The following IMMP2L variants were observed in gnomAD, a reference collection of about 807,000 sequenced individuals.
IMMP2L encodes mitochondrial inner membrane protease subunit 2.
In IMMP2L, 18 loss-of-function variants were observed where a neutral mutation model predicts 19.3. That is an observed-to-expected ratio of 0.93 (90% confidence interval 0.64 to 1.38). IMMP2L has a LOEUF of 1.38. Ranked by LOEUF, IMMP2L falls within the 40% of genes most tolerant of loss-of-function variation. The pLI, the probability that IMMP2L is intolerant of heterozygous loss-of-function variation, is 0.00. For missense variants in IMMP2L, 233 were observed against 218.2 expected, an observed-to-expected ratio of 1.07 and a Z score of -0.43; for synonymous variants, 76 against 73.0, an observed-to-expected ratio of 1.04 and a Z score of -0.21.
chr7:110,694,487 A>G (rs1323178060), intron 5 of IMMP2L, among the ~76,000 whole-genome samples: 2 of 152,246 alleles, frequency 1.3e-5, no homozygotes, highest in Non-Finnish European at 2.9e-5. Context: ...AGTAATATTT[A>G]GGTCCTTAAT....
intron 5 of IMMP2L, among the ~76,000 whole-genome samples, chr7:110,674,005 C>T (rs1174932489): frequency 6.6e-6 from 1 of 152,140 alleles, no homozygotes; most frequent in Non-Finnish European, 1.5e-5. Flanking sequence ...ACCCCACTCC[C>T]AGTACCAACT....
At chr7:111,029,125 A>T (rs900728883) in intron 3 of IMMP2L, among the ~76,000 whole-genome samples, 2 of 152,184 alleles carry the variant, frequency 1.3e-5, no homozygotes, top group Non-Finnish European at 2.9e-5. Flanking sequence ...ATGATAAAAT[A>T]GTCACTTATT....
At chr7:111,136,305 C>T (rs7811143) in intron 3 of IMMP2L, among the ~76,000 whole-genome samples, 107,418 of 152,052 alleles carry the variant, frequency 0.71, 40,426 homozygotes, top group East Asian at 0.85. Context: ...GGATTGCAGG[C>T]GTGAGCCACT....
intron 3 of IMMP2L, among the ~76,000 whole-genome samples, chr7:111,092,854 G>A (rs756985136): frequency 2.0e-5 from 3 of 152,136 alleles, no homozygotes; most frequent in Non-Finnish European, 4.4e-5. Flanking sequence ...TTCATCTTCT[G>A]GAGCTCTCTC....
At chr7:111,450,243 G>A (rs545186614) in intron 3 of IMMP2L, among the ~76,000 whole-genome samples, 3 of 149,490 alleles carry the variant, frequency 2.0e-5, no homozygotes, top group Non-Finnish European at 4.4e-5. Context: ...AAAAGAGCCC[G>A]CATCGCCAGG....
intron 3 of IMMP2L, among the ~76,000 whole-genome samples, chr7:111,475,994 T>C (rs1563239965): frequency 6.6e-6 from 1 of 152,138 alleles, no homozygotes; most frequent in Non-Finnish European, 1.5e-5. Flanking sequence ...GCAACATAGT[T>C]TTCTGATATC....
intron 3 of IMMP2L, among the ~76,000 whole-genome samples, chr7:111,343,441 C>T (rs932287737): frequency 1.4e-4 from 22 of 152,070 alleles, no homozygotes; most frequent in Non-Finnish European, 3.1e-4. Flanking sequence ...ACACTATATC[C>T]TGTCCTTTCT....
intron 4 of IMMP2L, among the ~76,000 whole-genome samples, chr7:110,949,214 A>C (rs1817549500): frequency 6.6e-6 from 1 of 152,114 alleles, no homozygotes; most frequent in Non-Finnish European, 1.5e-5. Context: ...TACATCATAT[A>C]TATGTATTGG....
rs544500398 is a variant in IMMP2L at position 110,922,820 on chromosome 7, G to A, written c.306-36125C>T. 2.0e-5 allele frequency among the ~76,000 whole-genome samples: 3 copies of A among 152,252 alleles called. No homozygotes were observed. The East Asian group carries it at 5.8e-4, about 29-fold the overall frequency. The stretch of plus-strand genomic sequence containing the variant: ...CATGAGCAAACTGTTTCTCGCTAAA[G>A]TCTGGATGTAATGTTTTTCTCATCA... On this transcript the variant is annotated intron_variant, in intron 4 of 5. Coordinates refer to ENST00000405709, the MANE Select transcript of IMMP2L (RefSeq NM_032549.4).
chr7:111,235,513 A>G (rs1307592875), intron 3 of IMMP2L, among the ~76,000 whole-genome samples: 1 of 151,286 alleles, frequency 6.6e-6, no homozygotes, highest in Non-Finnish European at 1.5e-5. Context: ...CTCTCTTTCT[A>G]TAGTTTAAAA....
Position 110,886,788 on chromosome 7 carries a change from G to C in IMMP2L, c.306-93C>G, listed in dbSNP as rs550428387. The C allele has an allele frequency of 1.1e-5, 7 of 610,278 alleles. No individual in the cohort carries two copies. In the East Asian group the frequency reaches 1.7e-4, roughly 14 times the overall value. 37.8% of individuals were successfully genotyped at this position (610,278 alleles called of 1,614,324 possible). On this transcript the variant is annotated intron_variant, in intron 4 of 5. Transcript: ENST00000405709. ...TTAGGAATGGTGAAAATATTATATA[G>C]ATGTTACAGACAGGTTAACCATGAA...
intron 3 of IMMP2L, among the ~76,000 whole-genome samples, chr7:111,459,980 A>G (rs909099404): frequency 6.6e-6 from 1 of 152,172 alleles, no homozygotes; most frequent in Non-Finnish European, 1.5e-5. Context: ...TTAGATTTCA[A>G]TGAAAGAAAA....
intron 5 of IMMP2L, among the ~76,000 whole-genome samples, chr7:110,712,231 C>T (rs1312871312): frequency 7.6e-6 from 1 of 131,480 alleles, no homozygotes; most frequent in Non-Finnish European, 1.6e-5. Context: ...TTCTAAGAGA[C>T]AGGACCCTCA....
chr7:111,125,736 T>C (rs1264818926), intron 3 of IMMP2L, among the ~76,000 whole-genome samples: 1 of 151,966 alleles, frequency 6.6e-6, no homozygotes, highest in East Asian at 1.9e-4. Flanking sequence ...AATTATTAGG[T>C]TGAGATAATA....
chr7:110,747,660 T>G (rs531283297), intron 5 of IMMP2L, among the ~76,000 whole-genome samples: 4 of 152,146 alleles, frequency 2.6e-5, no homozygotes, highest in Non-Finnish European at 5.9e-5. Flanking sequence ...CATGATTATA[T>G]CAATAGATGC....
chr7:110,668,145 G>C (rs1017759956), intron 5 of IMMP2L, among the ~76,000 whole-genome samples: 6 of 151,820 alleles, frequency 4.0e-5, no homozygotes, highest in African/African-American at 1.5e-4. Context: ...TAACCCTAGT[G>C]ATTCTGCTGA....
chr7:111,023,210 T>C (rs1826465174), intron 3 of IMMP2L, among the ~76,000 whole-genome samples: 1 of 152,192 alleles, frequency 6.6e-6, no homozygotes, highest in Non-Finnish European at 1.5e-5. Context: ...TCTGCAGTAA[T>C]GTAAGGGATT....
chr7:111,532,614 A>G (rs1423657703), intron 1 of IMMP2L: 1 of 152,184 alleles, frequency 6.6e-6, no homozygotes, highest in East Asian at 1.9e-4. Context: ...AAATGGAAAG[A>G]GAAAGTCACA....
At chr7:111,328,423 G>C (rs1166367350) in intron 3 of IMMP2L, among the ~76,000 whole-genome samples, 2 of 151,778 alleles carry the variant, frequency 1.3e-5, no homozygotes, top group Non-Finnish European at 2.9e-5. Context: ...TTCCCCAGTA[G>C]AAAAGCAACT....
Sources: gnomAD v4.1 joint callset for allele counts (sites outside exome capture counted in the v4.1 genomes callset) on GRCh38, gnomAD v4.1.1 for gene constraint, MANE v1.5 for transcripts, NCBI Gene and HGNC (gene_info 2026-07-23, HGNC 2026-07-21) for gene names.